CCR6: variants seen among roughly 807,000 people sequenced by gnomAD.
CCR6 encodes C-C motif chemokine receptor 6, also known as C-C chemokine receptor type 6.
CCR6 carries 2 observed loss-of-function variants against 3.0 expected under a neutral mutation model. The observed-to-expected ratio is 0.66, with a 90% CI of 0.27 to 2.07. CCR6 has a LOEUF of 2.07. Ranked by LOEUF, CCR6 falls within the 30% of genes most tolerant of loss-of-function variation. CCR6 has a pLI of 0.14. For missense variants in CCR6, 322 were observed against 462.8 expected (o/e 0.70, Z 2.79); for synonymous variants, 193 against 184.3 (o/e 1.05, Z -0.38).
chr6:167,124,911 T>C (rs1005286022), intron 1 of CCR6, among the ~76,000 whole-genome samples: 2 of 152,056 alleles, frequency 1.3e-5, no homozygotes, highest in African/African-American at 4.8e-5. Flanking sequence ...CACATGTATG[T>C]ATACATGCAG....
chr6:167,117,408 T>TC (rs1202337812), intron 1 of CCR6, among the ~76,000 whole-genome samples: 1 of 132,262 alleles, frequency 7.6e-6, no homozygotes, highest in Non-Finnish European at 1.6e-5. Context: ...ATTTTCTTTT[T>TC]TTTTTTCTTT....
At chr6:167,117,422 T>C (rs1344904759) in intron 1 of CCR6, among the ~76,000 whole-genome samples, 20 of 141,430 alleles carry the variant, frequency 1.4e-4, no homozygotes, top group African/African-American at 4.7e-4. Context: ...TTTCTTTTTT[T>C]TTTTTTTTTT....
intron 1 of CCR6, among the ~76,000 whole-genome samples, chr6:167,117,398 ATTTTC>A (rs1352291101): frequency 1.1e-5 from 1 of 91,594 alleles, no homozygotes; most frequent in Non-Finnish European, 2.3e-5. Context: ...CCGGAACTCT[ATTTTC>A]TTTTTTTTTT....
chr6:167,131,336 C>T (rs1049615296), intron 1 of CCR6: 3 of 152,262 alleles, frequency 2.0e-5, no homozygotes, highest in African/African-American at 4.8e-5. Flanking sequence ...TGCAGTTAAA[C>T]AAATGCTTAC....
chr6:167,123,874 G>A (rs1781624335), intron 1 of CCR6, among the ~76,000 whole-genome samples: 1 of 152,208 alleles, frequency 6.6e-6, no homozygotes, highest in African/African-American at 2.4e-5. Context: ...CACTTTGGGA[G>A]ACCAAGCTGG....
chr6:167,137,336 C>A lies in CCR6; in HGVS notation c.1106C>A (p.Ala369Glu), dbSNP rs17860852. Residue 369 changes from alanine to glutamate, a missense_variant, in exon 3 of 3, where the codon GCG becomes GAG. Coordinates refer to ENST00000341935, the MANE Select transcript of CCR6 (RefSeq NM_031409.4). This position sits in a 1 kb window ranked among gnomAD's most constrained non-coding sequence, Gnocchi z 4.6. ...QTSETADNDN[A>E]SSFTM The stretch of plus-strand genomic sequence containing the variant: ...AGTGAGACCGCAGATAACGACAATG[C>A]GTCGTCCTTCACTATGTGATAGAAA... 6.2e-7 allele frequency: 1 copy of A among 1,612,242 alleles called. No individual in the cohort carries two copies. The highest frequency in any genetic ancestry group is 1.3e-5 in the African/African-American group (1 of 74,806).
chr6:167,117,778 C>A (rs1296873664), upstream of CCR6, among the ~76,000 whole-genome samples: 2 of 152,026 alleles, frequency 1.3e-5, no homozygotes, highest in African/African-American at 4.8e-5. Flanking sequence ...GGTCTCTATT[C>A]CCTCAATGTA....
chr6:167,128,788 G>A (rs1238504760), intron 1 of CCR6, among the ~76,000 whole-genome samples: 1 of 152,160 alleles, frequency 6.6e-6, no homozygotes, highest in Non-Finnish European at 1.5e-5. Flanking sequence ...TGGCCATGCT[G>A]GTCTCAAACT....
intron 1 of CCR6, among the ~76,000 whole-genome samples, chr6:167,112,912 T>C (rs920331564): frequency 6.6e-6 from 1 of 152,096 alleles, no homozygotes; most frequent in Non-Finnish European, 1.5e-5. Flanking sequence ...GTTCTAGTGA[T>C]AGCATTGTCT....
At chr6:167,123,299 G>A (rs1386574120) in intron 1 of CCR6, 76 bp downstream of exon 1, 2 of 152,734 alleles carry the variant, frequency 1.3e-5, no homozygotes, top group African/African-American at 2.4e-5. Flanking sequence ...ACAGGAATGG[G>A]ACTGTTTTAC....
chr6:167,130,299 A>G (rs1781733499), intron 1 of CCR6, among the ~76,000 whole-genome samples: 1 of 151,840 alleles, frequency 6.6e-6, no homozygotes, highest in Admixed American at 6.5e-5. Context: ...TGCATCTCTC[A>G]TCTGCCACTC....
rs1781746791 is a variant in CCR6 at position 167,130,962 on chromosome 6, C to A, written c.-97-5076C>A. 1.5e-5 allele frequency among the ~76,000 whole-genome samples: 2 copies of A among 130,750 alleles called. 1 individual carries two copies. Among genetic ancestry groups the A allele is most frequent in the Non-Finnish European group, 3.4e-5 (2 of 58,700 alleles). The allele number at this position is 130,750 out of a possible 152,430, so 85.8% of individuals were successfully genotyped here. A position where few individuals can be genotyped will look rare whatever the true frequency, so the allele number is the denominator to read the frequency against. On this transcript the variant is annotated intron_variant, in intron 1 of 2. Coordinates refer to ENST00000341935, the MANE Select transcript of CCR6 (RefSeq NM_031409.4). The stretch of plus-strand genomic sequence containing the variant: ...CTGGGCCCCCCTCCCTCCGGGACTC[C>A]TCCCTCTGGGACCACCCTCCCTCTG...
At chr6:167,113,654 A>G (rs1401647395) in intron 1 of CCR6, among the ~76,000 whole-genome samples, 1 of 152,238 alleles carries the variant, frequency 6.6e-6, no homozygotes, top group Non-Finnish European at 1.5e-5. Context: ...CACATGTCTT[A>G]GCAATATTTT....
chr6:167,117,389 C>T (rs914970598), intron 1 of CCR6, among the ~76,000 whole-genome samples: 2 of 149,468 alleles, frequency 1.3e-5, no homozygotes, highest in East Asian at 1.9e-4. Flanking sequence ...TGCTGCTTAC[C>T]GGAACTCTAT....
chr6:167,113,888 TG>T (rs920938654), intron 1 of CCR6, among the ~76,000 whole-genome samples: 31 of 152,184 alleles, frequency 2.0e-4, no homozygotes, highest in African/African-American at 7.2e-4. Context: ...ACTCCTATTT[TG>T]GGGGGTAGAA....
chr6:167,120,189 T>C (rs1781564672), upstream of CCR6, among the ~76,000 whole-genome samples: 1 of 151,956 alleles, frequency 6.6e-6, no homozygotes, highest in South Asian at 2.1e-4. Context: ...GCAGGTACCA[T>C]CAGAGAGTGG....
intron 1 of CCR6, chr6:167,116,714 A>G (rs1318428185): frequency 6.6e-6 from 1 of 151,938 alleles, no homozygotes; most frequent in Middle Eastern, 3.1e-3. Flanking sequence ...GCCACCCCCT[A>G]GCAGAGAGGC....
At chr6:167,130,628 G>A (rs967043989) in intron 1 of CCR6, among the ~76,000 whole-genome samples, 16 of 151,760 alleles carry the variant, frequency 1.1e-4, no homozygotes, top group Admixed American at 1.3e-4. Context: ...GCATACAGGT[G>A]AACCTGACAA....
Position 167,137,181 on chromosome 6 carries a change from T to C in CCR6, c.951T>C (p.Ala317=), listed in dbSNP as rs764088584. Residue 317 remains alanine, a synonymous_variant, in exon 3 of 3, where the codon GCT becomes GCC. Coordinates refer to ENST00000341935, the MANE Select transcript of CCR6 (RefSeq NM_031409.4). The surrounding 1 kb of genome is among the most constrained non-coding windows in gnomAD (Gnocchi z 4.6). ...LHCCLNPVLY[A]FIGQKFRNYF... ...GCTGCCTGAACCCTGTGCTCTACGC[T>C]TTTATTGGGCAGAAGTTCAGAAACT... The C allele has an allele frequency of 3.7e-5, 60 of 1,614,072 alleles. No individual in the cohort carries two copies. The highest frequency in any genetic ancestry group is 5.1e-5 in the Non-Finnish European group (60 of 1,180,026).
Sources: allele counts gnomAD v4.1 joint callset (sites outside exome capture counted in the v4.1 genomes callset), GRCh38; gene constraint gnomAD v4.1.1; non-coding constraint Gnocchi (gnomAD v3.1); transcripts MANE v1.5; gene names NCBI Gene and HGNC (gene_info 2026-07-23, HGNC 2026-07-21).